Variants in TGFA observed in about 807,000 individuals in gnomAD.
The protein encoded by TGFA is transforming growth factor alpha, also known as protransforming growth factor alpha.
In TGFA, 12 loss-of-function variants were observed where a neutral mutation model predicts 21.7. That is an observed-to-expected ratio of 0.55 (90% CI 0.35 to 0.90). TGFA has a LOEUF of 0.90. TGFA is among the 40% of genes least tolerant of loss of function. The pLI is 0.01. For missense variants in TGFA, 178 were observed against 210.8 expected (o/e 0.84, Z 0.96); for synonymous variants, 79 against 88.1 (o/e 0.90, Z 0.58).
intron 2 of TGFA, among the ~76,000 whole-genome samples, chr2:70,498,822 T>C (rs541144402): frequency 6.6e-6 from 1 of 152,172 alleles, no homozygotes; most frequent in African/African-American, 2.4e-5. Flanking sequence ...TCAACAGACA[T>C]GCAAAACCAG....
rs535078951 is a variant in TGFA, at chr2:70,493,145, C to T, written c.94+21714G>A. Among the ~76,000 whole-genome samples, 7 of 152,270 alleles carry T rather than the reference C, an allele frequency of 4.6e-5. 1 individual carries two copies. Among genetic ancestry groups the T allele is most frequent in the South Asian group, 4.1e-4 (2 of 4,822 alleles). ...TACATGATAAAACCCAAATGCTCCA[C>T]GTACCAAGTTATTAAACATGCCATA... On this transcript the variant is annotated intron_variant, in intron 2 of 5. Transcript: ENST00000295400.
intron 2 of TGFA, among the ~76,000 whole-genome samples, chr2:70,500,482 A>C (rs1671705764): frequency 6.6e-6 from 1 of 152,134 alleles, no homozygotes; most frequent in Non-Finnish European, 1.5e-5. Context: ...GTTAACTTGT[A>C]GTCTTAATGG....
chr2:70,521,213 A>G (rs1672448054), intron 1 of TGFA, among the ~76,000 whole-genome samples: 1 of 152,120 alleles, frequency 6.6e-6, no homozygotes, highest in Non-Finnish European at 1.5e-5. Context: ...CAGAGACAGA[A>G]CCCAGCCCCA....
At chr2:70,524,456 C>T (rs1181566568) in intron 1 of TGFA, among the ~76,000 whole-genome samples, 1 of 152,170 alleles carries the variant, frequency 6.6e-6, no homozygotes, top group Non-Finnish European at 1.5e-5. Context: ...GGCTGAGGGC[C>T]CCCATCCAAA....
intron 2 of TGFA, among the ~76,000 whole-genome samples, chr2:70,512,457 C>G (rs1424023633): frequency 1.1e-4 from 16 of 152,194 alleles, no homozygotes; most frequent in Admixed American, 9.8e-4. Flanking sequence ...CAGACCACCT[C>G]AGGCCCCCGA....
intron 2 of TGFA, among the ~76,000 whole-genome samples, chr2:70,509,594 T>C (rs1672030751): frequency 1.3e-5 from 2 of 152,156 alleles, no homozygotes; most frequent in Non-Finnish European, 1.5e-5. Context: ...CCTTCAAACA[T>C]GCCTTGATTC....
intron 2 of TGFA, among the ~76,000 whole-genome samples, chr2:70,502,370 C>T (rs1212963374): frequency 6.6e-6 from 1 of 152,154 alleles, no homozygotes; most frequent in African/African-American, 2.4e-5. Flanking sequence ...GATGGAGTCT[C>T]ACTCTATTGC....
intron 2 of TGFA, among the ~76,000 whole-genome samples, chr2:70,511,355 T>C (rs1201888744): frequency 6.6e-6 from 1 of 152,212 alleles, no homozygotes; most frequent in Non-Finnish European, 1.5e-5. Flanking sequence ...TCTGGATTGA[T>C]TCTGGGATTG....
At chr2:70,495,043 T>C (rs1230795472) in intron 2 of TGFA, among the ~76,000 whole-genome samples, 1 of 152,260 alleles carries the variant, frequency 6.6e-6, no homozygotes, top group Non-Finnish European at 1.5e-5. Context: ...TATCCACTTA[T>C]TTCCTTGGAG....
chr2:70,497,024 A>G (rs1671597438), intron 2 of TGFA, among the ~76,000 whole-genome samples: 1 of 152,260 alleles, frequency 6.6e-6, no homozygotes, highest in East Asian at 1.9e-4. Context: ...TGAGTCAGCC[A>G]CTGGAAAAAC....
chr2:70,535,698 T>C (rs1229852332), intron 1 of TGFA, among the ~76,000 whole-genome samples: 1 of 152,222 alleles, frequency 6.6e-6, no homozygotes, highest in Non-Finnish European at 1.5e-5. Flanking sequence ...CCAATTTAGT[T>C]GAAAGGACTG....
chr2:70,517,375 TTCA>T (rs1672317181), intron 1 of TGFA, among the ~76,000 whole-genome samples: 1 of 152,212 alleles, frequency 6.6e-6, no homozygotes, highest in Non-Finnish European at 1.5e-5. Flanking sequence ...CTGCTTTGTC[TTCA>T]TCATGTGGTG....
At chr2:70,527,099 T>C (rs1553503068) in intron 1 of TGFA, among the ~76,000 whole-genome samples, 1 of 152,262 alleles carries the variant, frequency 6.6e-6, no homozygotes, top group Non-Finnish European at 1.5e-5. Flanking sequence ...TGCTCCTTGG[T>C]ATTTACCCAA....
Position 70,483,408 on chromosome 2 carries a change from G to A in TGFA, c.95-17672C>T, listed in dbSNP as rs532997886. Among the ~76,000 whole-genome samples, 129 of 152,204 alleles carry A rather than the reference G, an allele frequency of 8.5e-4. 1 individual carries two copies. Among genetic ancestry groups the A allele is most frequent in the Middle Eastern group, 3.4e-3 (1 of 294 alleles). ...TGCTATTTCTTAAAAATCACCAACA[G>A]GGATGGGTGATTTTTGCTACAGGTT... On this transcript the variant is annotated intron_variant, in intron 2 of 5. Transcript: ENST00000295400.
intron 1 of TGFA, among the ~76,000 whole-genome samples, chr2:70,523,231 A>T (rs1672531360): frequency 6.6e-6 from 1 of 152,200 alleles, no homozygotes; most frequent in South Asian, 2.1e-4. Context: ...AACTTTTATA[A>T]GAACACAAAG....
At chr2:70,522,053 TA>T (rs1355945067) in intron 1 of TGFA, among the ~76,000 whole-genome samples, 1 of 152,244 alleles carries the variant, frequency 6.6e-6, no homozygotes, top group African/African-American at 2.4e-5. Context: ...ATCCTTACTT[TA>T]TTCTGCCTTG....
chr2:70,471,627 C>A (rs3821268), intron 2 of TGFA, among the ~76,000 whole-genome samples: 29,546 of 151,998 alleles, frequency 0.19, 3,511 homozygotes, highest in Admixed American at 0.31. Flanking sequence ...CAAGGCTATT[C>A]CTATGAGAGG....
At chr2:70,463,862 G>A (rs1553491796) in intron 3 of TGFA, among the ~76,000 whole-genome samples, 1 of 152,102 alleles carries the variant, frequency 6.6e-6, no homozygotes, top group East Asian at 1.9e-4. Context: ...GTCCCCCAGG[G>A]GCCCCTAGTA....
intron 1 of TGFA, among the ~76,000 whole-genome samples, chr2:70,536,668 T>C (rs1311204777): frequency 6.6e-6 from 1 of 152,162 alleles, no homozygotes; most frequent in African/African-American, 2.4e-5. Flanking sequence ...AAAATACAAC[T>C]TATCAAAATG....
Sources: allele counts gnomAD v4.1 joint callset (sites outside exome capture counted in the v4.1 genomes callset), GRCh38; gene constraint gnomAD v4.1.1; transcripts MANE v1.5; gene names NCBI Gene and HGNC (gene_info 2026-07-23, HGNC 2026-07-21).